RXFP2: variants seen among roughly 807,000 people sequenced by gnomAD.
The protein encoded by RXFP2 is relaxin family peptide receptor 2.
A neutral mutation model predicts 88.6 loss-of-function variants in RXFP2; 68 were observed. That is an observed-to-expected ratio of 0.77 (90% CI 0.63 to 0.94). RXFP2 has a LOEUF of 0.94. Among genes scored for constraint, RXFP2 ranks in the 40% least tolerant of loss-of-function variants. RXFP2 has a pLI of 0.00. For synonymous variants in RXFP2, 329 were observed against 306.8 expected, an observed-to-expected ratio of 1.07 and a Z score of -0.76; for missense variants, 791 against 893.9, an observed-to-expected ratio of 0.88 and a Z score of 1.47.
chr13:31,801,086 A>C (rs1459457633), intron 17 of RXFP2, among the ~76,000 whole-genome samples: 1 of 152,114 alleles, frequency 6.6e-6, no homozygotes, highest in Non-Finnish European at 1.5e-5. Context: ...ACAGAAAGAT[A>C]CAAGAAATAA....
chr13:31,795,571 C>T (rs1314615551), intron 16 of RXFP2, among the ~76,000 whole-genome samples: 1 of 152,140 alleles, frequency 6.6e-6, no homozygotes, highest in Non-Finnish European at 1.5e-5. Context: ...AGGCCTAAGA[C>T]AACTAGTTTT....
chr13:31,761,936 G>T (rs761339932), intron 3 of RXFP2, 135 bp downstream of exon 3: 3 of 629,316 alleles, frequency 4.8e-6, no homozygotes, highest in Non-Finnish European at 8.8e-6. Flanking sequence ...TGGCTAACAG[G>T]TCTGCTGTCT....
At chr13:31,761,578 T>A in intron 2 of RXFP2, 146 bp from the exon 3 acceptor site, 1 of 610,652 alleles carries the variant, frequency 1.6e-6, no homozygotes, top group Non-Finnish European at 3.0e-6. Context: ...TTTGCCTAAC[T>A]TTTTCTCTCT....
At chr13:31,748,650 C>T (rs1871526620) in intron 1 of RXFP2, among the ~76,000 whole-genome samples, 1 of 152,234 alleles carries the variant, frequency 6.6e-6, no homozygotes, top group African/African-American at 2.4e-5. Context: ...ATATCCTCTA[C>T]TCTGCAGCTT....
chr13:31,742,191 T>G (rs1223009566), intron 1 of RXFP2, among the ~76,000 whole-genome samples: 3 of 152,208 alleles, frequency 2.0e-5, no homozygotes, highest in African/African-American at 7.2e-5. Context: ...AGGCTGCTAC[T>G]TGGCAACTAC....
At chr13:31,780,238 C>T (rs931988782) in intron 9 of RXFP2, among the ~76,000 whole-genome samples, 1 of 152,172 alleles carries the variant, frequency 6.6e-6, no homozygotes, top group East Asian at 1.9e-4. Flanking sequence ...AATTGAGAGC[C>T]TTTCAACACA....
chr13:31,752,731 C>T (rs901157575), intron 1 of RXFP2, among the ~76,000 whole-genome samples: 2 of 152,118 alleles, frequency 1.3e-5, no homozygotes, highest in African/African-American at 4.8e-5. Context: ...TGGCCAGGTG[C>T]ACTCCGCTGA....
chr13:31,767,364 G>A (rs1191991510), intron 5 of RXFP2, among the ~76,000 whole-genome samples: 1 of 152,166 alleles, frequency 6.6e-6, no homozygotes, highest in Non-Finnish European at 1.5e-5. Flanking sequence ...CACTGGAGTA[G>A]CTATGCATTG....
intron 17 of RXFP2, among the ~76,000 whole-genome samples, chr13:31,801,055 A>G (rs1229267768): frequency 1.3e-5 from 2 of 152,172 alleles, no homozygotes; most frequent in East Asian, 3.9e-4. Flanking sequence ...ATGGAAAAGG[A>G]AGAAGACATA....
In RXFP2 at chr13:31,776,102, T is replaced by TTTTCTTTCTTTCTTTCTTTC. The variant is rs71099993; in HGVS notation, c.641+735_641+754dup. Among the ~76,000 whole-genome samples, 310 of 109,892 alleles carry TTTTCTTTCTTTCTTTCTTTC rather than the reference T, an allele frequency of 2.8e-3. 2 individuals are homozygous for TTTTCTTTCTTTCTTTCTTTC. Among genetic ancestry groups the TTTTCTTTCTTTCTTTCTTTC allele is most frequent in the African/African-American group, 8.0e-3 (224 of 28,142 alleles). 72.1% of individuals were successfully genotyped at this position (109,892 alleles called of 152,430 possible). The stretch of plus-strand genomic sequence containing the variant: ...TTTCCTTCCTTCTTTCTTTCTTTTC[T>TTTTCTTTCTTTCTTTCTTTC]TTTCTTTCTTTCTTTCTTTCTTTCT... On this transcript the variant is annotated intron_variant, in intron 7 of 17. Coordinates refer to ENST00000298386, the MANE Select transcript of RXFP2 (RefSeq NM_130806.5).
chr13:31,784,840 C>A (rs1873450129), intron 11 of RXFP2, among the ~76,000 whole-genome samples: 1 of 152,146 alleles, frequency 6.6e-6, no homozygotes, highest in African/African-American at 2.4e-5. Context: ...AATACATGTT[C>A]AGCCAGACCC....
chr13:31,746,769 A>C (rs4943698), intron 1 of RXFP2, among the ~76,000 whole-genome samples: 1 of 88,854 alleles, frequency 1.1e-5, no homozygotes, highest in East Asian at 4.9e-4. Flanking sequence ...CTAAAAAATA[A>C]TATATCTATT....
chr13:31,760,494 G>A (rs1268636949), intron 2 of RXFP2, among the ~76,000 whole-genome samples: 3 of 152,224 alleles, frequency 2.0e-5, no homozygotes, highest in Non-Finnish European at 4.4e-5. Flanking sequence ...TACTCAGTCA[G>A]TGCTCAGTTT....
intron 1 of RXFP2, among the ~76,000 whole-genome samples, chr13:31,749,290 G>T (rs1871561717): frequency 6.6e-6 from 1 of 151,926 alleles, no homozygotes. Flanking sequence ...TGTTCCATTG[G>T]TCTATTTTTC....
chr13:31,742,331 CCTTT>C (rs951354672), intron 1 of RXFP2, among the ~76,000 whole-genome samples: 18 of 152,148 alleles, frequency 1.2e-4, no homozygotes, highest in Admixed American at 5.9e-4. Context: ...CTGGCATGGT[CCTTT>C]CTTACGGATG....
chr13:31,765,995 A>C lies in RXFP2; in HGVS notation c.465A>C (p.Lys155Asn), dbSNP rs1012031350. 1 of 1,550,306 alleles carries C rather than the reference A, an allele frequency of 6.5e-7. No homozygotes were observed. The highest frequency in any genetic ancestry group is 1.4e-5 in the African/African-American group (1 of 73,482). Reference sequence around the variant, plus strand: ...ACAAAATCCACAGTCTTCCAGATAAAGTTTTCATCAAATACACAAAACTTA... The same window carrying C: ...ACAAAATCCACAGTCTTCCAGATAACGTTTTCATCAAATACACAAAACTTA... ...KKNKIHSLPDKVFIKYTKLKK... is the reference protein window; with the variant it reads ...KKNKIHSLPDNVFIKYTKLKK... The change falls in exon 5 of 18, where the codon AAA becomes AAC. Residue 155 changes from lysine to asparagine, a missense_variant. By Grantham distance (94) the Lys-to-Asn change is moderately conservative. Coordinates refer to ENST00000298386, the MANE Select transcript of RXFP2 (RefSeq NM_130806.5).
In RXFP2 at chr13:31,774,618, A is replaced by G. The variant is rs774951183; in HGVS notation, c.498-2A>G. 1 of 1,488,386 alleles carries G rather than the reference A, an allele frequency of 6.7e-7. No homozygotes were observed. The highest frequency in any genetic ancestry group is 9.4e-7 in the Non-Finnish European group (1 of 1,065,546). 92.2% of individuals were successfully genotyped at this position (1,488,386 alleles called of 1,614,324 possible). A position where few individuals can be genotyped will look rare whatever the true frequency, so the allele number is the denominator to read the frequency against. ...CTGACTCTCTTATCTTATTCCTACC[A>G]GATTTCTTCAGCATAATTGCATTAG... is the stretch of plus-strand genomic sequence containing the variant. On this transcript the variant is annotated splice_acceptor_variant, in intron 5 of 17. Transcript: ENST00000298386. LOFTEE classifies it high-confidence loss of function.
At chr13:31,739,788 A>T (rs1593440273) in intron 1 of RXFP2, 82 bp downstream of exon 1, 1 of 899,478 alleles carries the variant, frequency 1.1e-6, no homozygotes, top group East Asian at 2.4e-5. Context: ...AGTTGTAATA[A>T]ATATATTGGG....
Position 31,781,760 on chromosome 13 carries a change from T to C in RXFP2, c.857+18T>C, listed in dbSNP as rs1454293247. On this transcript the variant is annotated intron_variant, in intron 10 of 17. Transcript: ENST00000298386. ...ACAGTGCTGTAAGTATACAATGGAC[T>C]TCACTAAATGAGGGGAAACCCTATA... 2 of 1,579,940 alleles carry C rather than the reference T, an allele frequency of 1.3e-6. No homozygotes were observed. The highest frequency in any genetic ancestry group is 1.3e-5 in the African/African-American group (1 of 74,190).
Sources: gnomAD v4.1 joint callset for allele counts (sites outside exome capture counted in the v4.1 genomes callset) on GRCh38, gnomAD v4.1.1 for gene constraint, MANE v1.5 for transcripts, NCBI Gene and HGNC (gene_info 2026-07-23, HGNC 2026-07-21) for gene names.